The following LRRFIP1 variants were observed in gnomAD, a reference collection of about 807,000 sequenced individuals.
LRRFIP1 encodes the protein leucine-rich repeat flightless-interacting protein 1.
In LRRFIP1, 62 loss-of-function variants were observed where a neutral mutation model predicts 104.4. The observed-to-expected ratio is 0.59, with a 90% confidence interval of 0.48 to 0.73. The LOEUF (loss-of-function observed/expected upper bound fraction) is 0.73. LRRFIP1 is among the 30% of genes least tolerant of loss of function. LRRFIP1 has a pLI of 0.00. For synonymous variants in LRRFIP1, 300 were observed against 299.0 expected (o/e 1.00, Z -0.03); for missense variants, 796 against 824.5 (o/e 0.97, Z 0.42).
chr2:237,666,236 G>A (rs550885915), intron 1 of LRRFIP1, among the ~76,000 whole-genome samples: 82 of 152,372 alleles, frequency 5.4e-4, no homozygotes, highest in African/African-American at 1.8e-3. Flanking sequence ...CCCAAATCGA[G>A]CACCTCAGTT....
At chr2:237,697,940 C>T (rs568465506) in intron 1 of LRRFIP1, among the ~76,000 whole-genome samples, 2 of 152,250 alleles carry the variant, frequency 1.3e-5, no homozygotes, top group Non-Finnish European at 1.5e-5. Context: ...AATGTATTAA[C>T]AGCAAGAGTA....
intron 19 of LRRFIP1, chr2:237,762,741 G>A (rs747856282): frequency 3.7e-6 from 6 of 1,614,218 alleles, no homozygotes; most frequent in Non-Finnish European, 5.1e-6. Flanking sequence ...TTCCCTGCTG[G>A]TGAGAATACC....
In LRRFIP1 at chr2:237,748,387, T is replaced by C. The variant is rs759520889; in HGVS notation, c.657T>C (p.Asp219=). The change falls in exon 12 of 24, where the codon GAT becomes GAC. Residue 219 remains aspartate, a synonymous_variant. Coordinates refer to ENST00000308482, the MANE Select transcript of LRRFIP1 (RefSeq NM_001137550.2). ...SPVVEERPEK[D]FTEKGSRNMP... ...AGGTAGAAGAGAGACCAGAAAAAGA[T>C]TTTACTGAGAAGGTAAGGAATCGTT... is the stretch of plus-strand genomic sequence containing the variant. 1.2e-6 allele frequency: 2 copies of C among 1,605,436 alleles called. No homozygotes were observed. The highest frequency in any genetic ancestry group is 1.7e-6 in the Non-Finnish European group (2 of 1,177,202).
Position 237,627,592 on chromosome 2 carries a change from G to C in LRRFIP1, c.-53G>C. 1 of 1,083,412 alleles carries C rather than the reference G, an allele frequency of 9.2e-7. No individual in the cohort carries two copies. Among genetic ancestry groups the C allele is most frequent in the Non-Finnish European group, 1.1e-6 (1 of 872,728 alleles). 67.1% of individuals were successfully genotyped at this position (1,083,412 alleles called of 1,614,324 possible). A position where few individuals can be genotyped will look rare whatever the true frequency, so the allele number is the denominator to read the frequency against. ...GCCGGGGCCGGGGCCGGGCCGGGGC[G>C]GCGCGAGCGGCTGGAGCAACGGGCC... On this transcript the variant is annotated 5_prime_UTR_variant, in exon 1 of 24. Coordinates refer to ENST00000308482, the MANE Select transcript of LRRFIP1 (RefSeq NM_001137550.2).
chr2:237,771,904 T>C, intron 20 of LRRFIP1, 177 bp from the exon 21 acceptor site: 2 of 588,456 alleles, frequency 3.4e-6, no homozygotes, highest in South Asian at 4.1e-5. Context: ...AGAGTTACAG[T>C]GTAATTCATT....
intron 2 of LRRFIP1, among the ~76,000 whole-genome samples, chr2:237,710,497 G>A (rs2094018880): frequency 6.6e-6 from 1 of 151,932 alleles, no homozygotes; most frequent in African/African-American, 2.4e-5. Flanking sequence ...GTGTTAGCCA[G>A]GATGGTCTCC....
rs758608756 is a variant in LRRFIP1 at position 237,763,976 on chromosome 2, C to T, written c.1459+3771C>T. 1.7e-5 allele frequency: 27 copies of T among 1,614,070 alleles called. No individual in the cohort carries two copies. In the East Asian group the frequency reaches 5.1e-4, roughly 31 times the overall value. ...TACAGAGAGGTGTGAGATGTCAGAA[C>T]ATCCAAGTCAGACCGTCAGGAAAGC... On this transcript the variant is annotated intron_variant, in intron 19 of 23. Transcript: ENST00000308482.
intron 23 of LRRFIP1, 141 bp downstream of exon 23, chr2:237,774,603 G>A (rs2060925459): frequency 1.1e-5 from 7 of 641,216 alleles, no homozygotes; most frequent in South Asian, 4.0e-5. Context: ...CTGCAGTGCC[G>A]GTGTCTTAAT....
chr2:237,716,598 G>A (rs1408264038), intron 3 of LRRFIP1, among the ~76,000 whole-genome samples: 1 of 152,128 alleles, frequency 6.6e-6, no homozygotes, highest in Non-Finnish European at 1.5e-5. Context: ...TTTGGTTATT[G>A]TAAAACAATT....
rs545770899 is a variant in LRRFIP1, at chr2:237,691,687, TC to T, written c.97-16849del. Among the ~76,000 whole-genome samples the T allele has an allele frequency of 0.011, 1,682 of 149,358 alleles. 39 individuals carry two copies. The highest frequency in any genetic ancestry group is 0.04 in the African/African-American group (1,611 of 40,416). On this transcript the variant is annotated intron_variant, in intron 1 of 23. Coordinates refer to ENST00000308482, the MANE Select transcript of LRRFIP1 (RefSeq NM_001137550.2). This position sits in a 1 kb window ranked among gnomAD's most constrained non-coding sequence, Gnocchi z 5.4. ...ATACCCTCGCCCAGCCCCGGGCAGGTCCCCCCCCGGAGGGGACCCCCTCTTC... is the reference window on the plus strand; with the variant it reads ...ATACCCTCGCCCAGCCCCGGGCAGGTCCCCCCCGGAGGGGACCCCCTCTTC...
intron 2 of LRRFIP1, among the ~76,000 whole-genome samples, chr2:237,712,252 C>A (rs1285798711): frequency 6.6e-6 from 1 of 152,192 alleles, no homozygotes; most frequent in African/African-American, 2.4e-5. Context: ...AGATACAAAG[C>A]CTGTGGTCTT....
At chr2:237,727,200 G>A (rs182142874) in intron 7 of LRRFIP1, among the ~76,000 whole-genome samples, 5 of 151,884 alleles carry the variant, frequency 3.3e-5, no homozygotes, top group Middle Eastern at 3.4e-3. Flanking sequence ...TACTAAAAAT[G>A]CAAAAATTAG....
At chr2:237,634,351 C>A (rs2082798896) in intron 1 of LRRFIP1, among the ~76,000 whole-genome samples, 1 of 152,242 alleles carries the variant, frequency 6.6e-6, no homozygotes, top group Non-Finnish European at 1.5e-5. Context: ...TCCTTCTCTG[C>A]ATCACACTAT....
intron 8 of LRRFIP1, among the ~76,000 whole-genome samples, chr2:237,731,943 C>G (rs1243720690): frequency 1.3e-5 from 2 of 152,132 alleles, no homozygotes; most frequent in Admixed American, 1.3e-4. Context: ...CTGTAGACAT[C>G]TATTGCTGCC....
At chr2:237,763,783 G>A (rs756179069) in intron 19 of LRRFIP1, 2 of 1,614,202 alleles carry the variant, frequency 1.2e-6, no homozygotes, top group South Asian at 2.2e-5. Flanking sequence ...CAGGCCCGAG[G>A]GCTGGTGGTG....
intron 19 of LRRFIP1, chr2:237,764,242 G>A: frequency 1.2e-6 from 2 of 1,608,420 alleles, no homozygotes; most frequent in Admixed American, 1.7e-5. Context: ...TCATAGAGAG[G>A]CACTGTATGA....
chr2:237,631,426 T>A (rs1429489371), intron 1 of LRRFIP1, among the ~76,000 whole-genome samples: 4 of 152,216 alleles, frequency 2.6e-5, no homozygotes, highest in African/African-American at 7.2e-5. Context: ...TGGTTTAAAC[T>A]CTAGGCAAGC....
chr2:237,694,591 C>T (rs550720878), intron 1 of LRRFIP1, among the ~76,000 whole-genome samples: 1 of 152,206 alleles, frequency 6.6e-6, no homozygotes, highest in South Asian at 2.1e-4. Flanking sequence ...GCATTGTGTC[C>T]GTGGGTTCAG....
chr2:237,648,672 G>A (rs977418765), intron 1 of LRRFIP1, among the ~76,000 whole-genome samples: 3 of 151,630 alleles, frequency 2.0e-5, no homozygotes, highest in Non-Finnish European at 4.4e-5. Flanking sequence ...TGCCTGTGAT[G>A]AGTAACAGAA....
Sources: gnomAD v4.1 joint callset for allele counts (sites outside exome capture counted in the v4.1 genomes callset) on GRCh38, gnomAD v4.1.1 for gene constraint, Gnocchi (gnomAD v3.1) non-coding constraint, MANE v1.5 for transcripts, NCBI Gene and HGNC (gene_info 2026-07-23, HGNC 2026-07-21) for gene names.